EDIL3: variants seen among roughly 807,000 people sequenced by gnomAD.
The protein encoded by EDIL3 is EGF like and discoidin domains 3.
A neutral mutation model predicts 67.4 loss-of-function variants in EDIL3; 37 were observed. That is an observed-to-expected ratio of 0.55 (90% CI 0.42 to 0.72). EDIL3 has a LOEUF of 0.72. Among genes scored for constraint, EDIL3 ranks in the 30% least tolerant of loss-of-function variants. EDIL3 has a pLI of 0.00. For synonymous variants in EDIL3, 195 were observed against 196.3 expected (o/e 0.99, Z 0.05); for missense variants, 527 against 586.3 (o/e 0.90, Z 1.04).
intron 1 of EDIL3, among the ~76,000 whole-genome samples, chr5:84,340,825 T>C (rs1747096004): frequency 6.6e-6 from 1 of 151,618 alleles, no homozygotes; most frequent in South Asian, 2.1e-4. Context: ...CCTGACTGTT[T>C]AGGTCTGTTC....
chr5:84,000,755 A>T (rs955096900), intron 9 of EDIL3, among the ~76,000 whole-genome samples: 6 of 152,154 alleles, frequency 3.9e-5, no homozygotes, highest in African/African-American at 1.2e-4. Context: ...AACAAATTGA[A>T]ATCATTTCAG....
chr5:83,954,894 G>A (rs528169113), intron 10 of EDIL3, among the ~76,000 whole-genome samples: 2 of 151,802 alleles, frequency 1.3e-5, no homozygotes, highest in South Asian at 4.2e-4. Context: ...CTTTCATCAG[G>A]TTCATCACTA....
chr5:84,119,212 G>GTTTTTTT (rs66522256), intron 5 of EDIL3, among the ~76,000 whole-genome samples: 12 of 82,326 alleles, frequency 1.5e-4, no homozygotes, highest in Non-Finnish European at 1.7e-4. Flanking sequence ...CATGCATTTG[G>GTTTTTTT]TTTTTTTTTT....
chr5:83,969,643 T>C (rs1234842340), intron 9 of EDIL3, among the ~76,000 whole-genome samples: 1 of 151,872 alleles, frequency 6.6e-6, no homozygotes, highest in Non-Finnish European at 1.5e-5. Context: ...GCATTTGAAA[T>C]GTGATACACA....
At chr5:84,147,970 TTTTATATTATG>T (rs1748318247) in intron 4 of EDIL3, among the ~76,000 whole-genome samples, 3 of 152,112 alleles carry the variant, frequency 2.0e-5, no homozygotes, top group Admixed American at 2.0e-4. Flanking sequence ...ATCTTTGAAA[TTTTATATTATG>T]GGCATAATTA....
At chr5:84,378,845 CAGGTTTGGTAGGCAG>C (rs1460664893) in intron 1 of EDIL3, among the ~76,000 whole-genome samples, 1 of 152,160 alleles carries the variant, frequency 6.6e-6, no homozygotes, top group Non-Finnish European at 1.5e-5. Context: ...TTTTAAACTT[CAGGTTTGGTAGGCAG>C]AGGTTTGACA....
chr5:84,384,394 G>C lies in EDIL3; in HGVS notation c.-20C>G. ...CTTCATGATCCCGTCTCCCGGACGT[G>C]ACCCCGGCTGGTCAGGGGTCGTCGC... On this transcript the variant is annotated 5_prime_UTR_variant, in exon 1 of 11. Transcript: ENST00000296591. The C allele has an allele frequency of 6.2e-7, 1 of 1,612,238 alleles. No individual in the cohort carries two copies. Among genetic ancestry groups the C allele is most frequent in the Non-Finnish European group, 8.5e-7 (1 of 1,179,264 alleles).
chr5:84,324,182 A>G (rs1746704367), intron 1 of EDIL3, among the ~76,000 whole-genome samples: 1 of 151,908 alleles, frequency 6.6e-6, no homozygotes, highest in Admixed American at 6.6e-5. Context: ...ATCAAGCCTC[A>G]ATAGATTAAC....
chr5:84,277,118 C>T (rs1377759818), intron 1 of EDIL3, among the ~76,000 whole-genome samples: 1 of 152,086 alleles, frequency 6.6e-6, no homozygotes, highest in Non-Finnish European at 1.5e-5. Context: ...TCACCTTTTG[C>T]TTAAACATTT....
intron 9 of EDIL3, among the ~76,000 whole-genome samples, chr5:84,017,160 C>A (rs1745622243): frequency 6.6e-6 from 1 of 152,138 alleles, no homozygotes; most frequent in Non-Finnish European, 1.5e-5. Flanking sequence ...TCTCATATTT[C>A]CCCCCACATT....
intron 2 of EDIL3, among the ~76,000 whole-genome samples, chr5:84,247,555 T>C (rs1744932954): frequency 1.3e-5 from 2 of 152,144 alleles, no homozygotes; most frequent in Non-Finnish European, 2.9e-5. Context: ...GATAAATATA[T>C]TCAATTTTTC....
intron 5 of EDIL3, among the ~76,000 whole-genome samples, chr5:84,113,907 C>T (rs746976221): frequency 6.6e-6 from 1 of 152,128 alleles, no homozygotes; most frequent in African/African-American, 2.4e-5. Context: ...CTTAATACAG[C>T]GTGATAATTG....
chr5:84,010,736 A>C (rs908714763), intron 9 of EDIL3, among the ~76,000 whole-genome samples: 1 of 152,208 alleles, frequency 6.6e-6, no homozygotes, highest in African/African-American at 2.4e-5. Context: ...TTTGTGAATT[A>C]AATAAATCTG....
At chr5:83,953,006 C>T (rs1368298976) in intron 10 of EDIL3, among the ~76,000 whole-genome samples, 1 of 151,684 alleles carries the variant, frequency 6.6e-6, no homozygotes, top group African/African-American at 2.4e-5. Context: ...GAGATGGATG[C>T]AGGGGTGGCA....
intron 2 of EDIL3, among the ~76,000 whole-genome samples, chr5:84,231,864 C>T (rs1010089016): frequency 2.6e-5 from 4 of 152,124 alleles, no homozygotes; most frequent in African/African-American, 7.2e-5. Flanking sequence ...TTATTGTTAA[C>T]AAAATCTAGA....
At position 84,060,327 on chromosome 5, in the gene EDIL3, G is replaced by A. The variant is rs150438906; in HGVS notation, c.1110C>T (p.Gly370=). 6.2e-6 allele frequency: 10 copies of A among 1,613,608 alleles called. No homozygotes were observed. In the African/African-American group the frequency reaches 1.3e-4, roughly 22 times the overall value. Residue 370 remains glycine (G), a synonymous_variant, in exon 9 of 11, where the codon GGC becomes GGT. Transcript: ENST00000296591. ...GTAACCATTGTGACTGGTCATTGTG[G>A]CCAGAGGTCCAGGCATTCACTTTGC... ...KQGKVNAWTS[G]HNDQSQWLQV...
chr5:84,088,732 G>GA (rs1747114802), intron 6 of EDIL3, among the ~76,000 whole-genome samples: 3 of 152,066 alleles, frequency 2.0e-5, no homozygotes, highest in Non-Finnish European at 4.4e-5. Flanking sequence ...GGGGAAAAAG[G>GA]AGAGCTTGAT....
At chr5:84,175,870 G>A (rs1206403083) in intron 4 of EDIL3, among the ~76,000 whole-genome samples, 1 of 152,074 alleles carries the variant, frequency 6.6e-6, no homozygotes, top group African/African-American at 2.4e-5. Context: ...TGATTCAACA[G>A]GGCTGAAGTG....
chr5:84,329,285 G>A (rs894897022), intron 1 of EDIL3, among the ~76,000 whole-genome samples: 1 of 151,996 alleles, frequency 6.6e-6, no homozygotes, highest in East Asian at 1.9e-4. Context: ...TGGAAAACAG[G>A]AAAAGTAAAG....
Sources: gnomAD v4.1 joint callset for allele counts (sites outside exome capture counted in the v4.1 genomes callset) on GRCh38, gnomAD v4.1.1 for gene constraint, MANE v1.5 for transcripts, NCBI Gene and HGNC (gene_info 2026-07-23, HGNC 2026-07-21) for gene names.